Variants in PACS1 observed in about 807,000 individuals in gnomAD.
PACS1 encodes PACS-1.
PACS1 carries 24 observed loss-of-function variants against 115.0 expected under a neutral mutation model. The observed-to-expected ratio is 0.21, with a 90% CI of 0.15 to 0.29. PACS1 has a LOEUF of 0.29. Among genes scored for constraint, PACS1 ranks in the 10% least tolerant of loss-of-function variants. The pLI is 1.00. For synonymous variants in PACS1, 453 were observed against 504.5 expected, an observed-to-expected ratio of 0.90 and a Z score of 1.37; for missense variants, 838 against 1,251.2, an observed-to-expected ratio of 0.67 and a Z score of 4.98.
At chr11:66,124,387 G>A (rs974554327) in intron 1 of PACS1, among the ~76,000 whole-genome samples, 13 of 152,132 alleles carry the variant, frequency 8.5e-5, no homozygotes, top group African/African-American at 2.9e-4. Context: ...TATAAAATGG[G>A]AATAATATAA....
In PACS1 at chr11:66,187,728, T is replaced by G. The variant is rs113467168; in HGVS notation, c.357-5758T>G. On this transcript the variant is annotated intron_variant, in intron 1 of 23. Transcript: ENST00000320580. ...CTCTGTTGTCGGACCCCTAGGTTGA[T>G]TCCTTCTCTTGGCTATTGTGAACGG... is the stretch of plus-strand genomic sequence containing the variant. Among the ~76,000 whole-genome samples, 111 of 152,330 alleles carry G rather than the reference T, an allele frequency of 7.3e-4. 2 individuals carry two copies. The highest frequency in any genetic ancestry group is 2.6e-3 in the African/African-American group (107 of 41,578).
intron 4 of PACS1, among the ~76,000 whole-genome samples, chr11:66,215,576 G>A (rs543399619): frequency 1.3e-5 from 2 of 151,646 alleles, no homozygotes; most frequent in Non-Finnish European, 2.9e-5. Flanking sequence ...TGCCAGCCTG[G>A]GTGACAGAGT....
intron 1 of PACS1, among the ~76,000 whole-genome samples, chr11:66,173,873 C>T (rs888409420): frequency 6.6e-6 from 1 of 151,508 alleles, no homozygotes; most frequent in Non-Finnish European, 1.5e-5. Context: ...GCCAACATGG[C>T]GAAACCCTGT....
intron 2 of PACS1, among the ~76,000 whole-genome samples, chr11:66,199,132 G>A (rs1475394182): frequency 6.6e-6 from 1 of 151,954 alleles, no homozygotes; most frequent in Non-Finnish European, 1.5e-5. Flanking sequence ...TGGCTAACAT[G>A]GTGAAACCCC....
chr11:66,228,754 G>C (rs1855517291), intron 11 of PACS1, among the ~76,000 whole-genome samples: 2 of 152,138 alleles, frequency 1.3e-5, no homozygotes, highest in African/African-American at 4.8e-5. Flanking sequence ...GAGAGGGAGG[G>C]GCATCGGGAG....
intron 2 of PACS1, among the ~76,000 whole-genome samples, chr11:66,206,409 G>A (rs1854940727): frequency 1.3e-5 from 2 of 152,136 alleles, no homozygotes; most frequent in Non-Finnish European, 2.9e-5. Flanking sequence ...CCTGGGGAAG[G>A]GTAGTAAAGA....
At chr11:66,166,450 T>TTCCATTTTTCTAAACTATGCATTC (rs1565131120) in intron 1 of PACS1, among the ~76,000 whole-genome samples, 48 of 151,290 alleles carry the variant, frequency 3.2e-4, no homozygotes, top group African/African-American at 1.1e-3. Context: ...CACAGCCTGA[T>TTCCATTTTTCTAAACTATGCATTC]GTCACATCTT....
Position 66,178,520 on chromosome 11 carries a change from T to C in PACS1, c.357-14966T>C, listed in dbSNP as rs1376503706. ...CCAAAGAGCAGTGCTAAAAAATTCTTGTTCCTGTTTTATGGTGGATTATAT... is the reference window on the plus strand; with the variant it reads ...CCAAAGAGCAGTGCTAAAAAATTCTCGTTCCTGTTTTATGGTGGATTATAT... On this transcript the variant is annotated intron_variant, in intron 1 of 23. Coordinates refer to ENST00000320580, the MANE Select transcript of PACS1 (RefSeq NM_018026.4). 3.9e-5 allele frequency among the ~76,000 whole-genome samples: 6 copies of C among 152,318 alleles called. No homozygotes were observed. In the East Asian group the frequency reaches 9.6e-4, roughly 24 times the overall value.
chr11:66,125,387 T>C (rs1858548438), intron 1 of PACS1, among the ~76,000 whole-genome samples: 1 of 152,264 alleles, frequency 6.6e-6, no homozygotes. Flanking sequence ...AATGAAGTTC[T>C]AGTATTTGAA....
chr11:66,117,395 G>A (rs899341055), intron 1 of PACS1, among the ~76,000 whole-genome samples: 4 of 151,434 alleles, frequency 2.6e-5, no homozygotes, highest in Admixed American at 1.3e-4. Flanking sequence ...CAGGAGGAGA[G>A]GTTGCAGTGA....
Position 66,239,212 on chromosome 11 carries a change from G to C in PACS1, c.2364G>C (p.Leu788=), listed in dbSNP as rs1203490980. ...PSTSPPSSSG[L]SRDATATPPS... ...CATCACCACCCTCCAGCTCGGGCCT[G>C]AGCCGAGACGCCACGGCCACCCCTC... is the stretch of plus-strand genomic sequence containing the variant. Residue 788 remains leucine (L), a synonymous_variant, in exon 21 of 24, where the codon CTG becomes CTC. Transcript: ENST00000320580. The C allele has an allele frequency of 6.2e-7, 1 of 1,613,940 alleles. No homozygotes were observed. Among genetic ancestry groups the C allele is most frequent in the Admixed American group, 1.7e-5 (1 of 60,006 alleles).
chr11:66,232,128 C>T (rs1269227079), intron 13 of PACS1, 44 bp from the exon 14 acceptor site: 2 of 1,309,070 alleles, frequency 1.5e-6, no homozygotes. Context: ...CCTCAGGCTC[C>T]CCAGGGACTC....
At chr11:66,199,369 T>C (rs1854723583) in intron 2 of PACS1, among the ~76,000 whole-genome samples, 7 of 152,016 alleles carry the variant, frequency 4.6e-5, no homozygotes, top group Admixed American at 4.6e-4. Context: ...GAGTTTTTAT[T>C]GGTTTTCTCT....
Position 66,157,821 on chromosome 11 carries a change from G to C in PACS1, c.357-35665G>C, listed in dbSNP as rs1859395511. Reference sequence around the variant, plus strand: ...TCAGCCAGGACATTATCACATTTCTGTCTGGGGAAATTGACTAGCCTATGG... The same window carrying C: ...TCAGCCAGGACATTATCACATTTCTCTCTGGGGAAATTGACTAGCCTATGG... On this transcript the variant is annotated intron_variant, in intron 1 of 23. Transcript: ENST00000320580. Among the ~76,000 whole-genome samples the C allele has an allele frequency of 6.0e-5, 9 of 149,144 alleles. No homozygotes were observed. In the South Asian group the frequency reaches 1.5e-3, roughly 25 times the overall value.
At chr11:66,087,624 G>A (rs1857594802) in intron 1 of PACS1, among the ~76,000 whole-genome samples, 1 of 152,168 alleles carries the variant, frequency 6.6e-6, no homozygotes, top group Non-Finnish European at 1.5e-5. Flanking sequence ...ATGTAATCTT[G>A]TTGCTATGTA....
chr11:66,230,033 G>C (rs925128470), intron 11 of PACS1, among the ~76,000 whole-genome samples: 1 of 151,384 alleles, frequency 6.6e-6, no homozygotes, highest in African/African-American at 2.4e-5. Flanking sequence ...GGATGTGAGA[G>C]TGTGGCCAGA....
intron 1 of PACS1, among the ~76,000 whole-genome samples, chr11:66,100,159 C>T (rs879855365): frequency 6.6e-6 from 1 of 152,180 alleles, no homozygotes; most frequent in Non-Finnish European, 1.5e-5. Context: ...GGATTACAGG[C>T]GTGGGCCACC....
At chr11:66,225,980 T>TG (rs1301561959) in intron 10 of PACS1, among the ~76,000 whole-genome samples, 2 of 152,078 alleles carry the variant, frequency 1.3e-5, no homozygotes, top group African/African-American at 4.8e-5. Flanking sequence ...ACCAGCCTGG[T>TG]CAATCAACAT....
In PACS1 at chr11:66,233,741, C is replaced by CTGG. The variant is rs2134740619; in HGVS notation, c.1839-43_1839-41dup. On this transcript the variant is annotated intron_variant, in intron 15 of 23. Transcript: ENST00000320580. The surrounding 1 kb of genome is among the most constrained non-coding windows in gnomAD (Gnocchi z 4.5). ...CTCTGGGCCTCCCCCGGGCAGGATC[C>CTGG]TGGCACCCCTGAGCACTGCTATGAC... The CTGG allele has an allele frequency of 1.3e-6, 2 of 1,557,714 alleles. No individual in the cohort carries two copies. Among genetic ancestry groups the CTGG allele is most frequent in the East Asian group, 4.6e-5 (2 of 43,878 alleles).
Sources: allele counts gnomAD v4.1 joint callset (sites outside exome capture counted in the v4.1 genomes callset), GRCh38; gene constraint gnomAD v4.1.1; non-coding constraint Gnocchi (gnomAD v3.1); transcripts MANE v1.5; gene names NCBI Gene and HGNC (gene_info 2026-07-23, HGNC 2026-07-21).